The following NDUFB8 variants were observed in gnomAD, a reference collection of about 807,000 sequenced individuals.
NDUFB8 encodes NADH:ubiquinone oxidoreductase subunit B8.
A neutral mutation model predicts 26.0 loss-of-function variants in NDUFB8; 17 were observed. That is an observed-to-expected ratio of 0.65 (90% CI 0.45 to 0.98). The LOEUF is 0.98. Among genes scored for constraint, NDUFB8 ranks in the 50% least tolerant of loss-of-function variants. The probability of loss-of-function intolerance (pLI) is 0.00; values close to 1 mark genes in which losing one functional copy is unlikely to be tolerated. For missense variants in NDUFB8, 238 were observed against 255.0 expected, an observed-to-expected ratio of 0.93 and a Z score of 0.45; for synonymous variants, 89 against 93.1, an observed-to-expected ratio of 0.96 and a Z score of 0.25.
chr10:100,527,457 G>A (rs1187536347), intron 2 of NDUFB8, among the ~76,000 whole-genome samples: 1 of 152,140 alleles, frequency 6.6e-6, no homozygotes, highest in African/African-American at 2.4e-5. Flanking sequence ...ACAAAAATTA[G>A]CTGGGTGTGG....
chr10:100,525,615 CGTGTGTGTGTGTGTGTGTGTGTGT>C (rs56705301), intron 4 of NDUFB8, among the ~76,000 whole-genome samples: 7 of 100,164 alleles, frequency 7.0e-5, no homozygotes, highest in Non-Finnish European at 1.0e-4. Context: ...CCACCCAAAG[CGTGTGTGTGTGTGTGTGTGTGTGT>C]GTGTGTGTGT....
upstream of NDUFB8, chr10:100,529,918 A>C (rs1589748072): frequency 6.5e-7 from 1 of 1,537,238 alleles, no homozygotes. Context: ...GAGCCGGGCC[A>C]AACGTGACGG....
At chr10:100,529,346 C>T in intron 2 of NDUFB8, 34 bp downstream of exon 2, 1 of 1,556,786 alleles carries the variant, frequency 6.4e-7, no homozygotes, top group Non-Finnish European at 8.7e-7. Context: ...TCTCCCATCA[C>T]TACTTGGGTG....
chr10:100,526,815 T>A (rs796889092), intron 3 of NDUFB8, 160 bp downstream of exon 3: 1 of 755,348 alleles, frequency 1.3e-6, no homozygotes, highest in East Asian at 2.7e-5. Flanking sequence ...AGACGTCCCA[T>A]TCAGTGTGCC....
At chr10:100,529,355 T>A in intron 2 of NDUFB8, 25 bp downstream of exon 2, 2 of 1,563,912 alleles carry the variant, frequency 1.3e-6, no homozygotes, top group Non-Finnish European at 1.7e-6. Context: ...ACTACTTGGG[T>A]GCGAGCATAC....
intron 2 of NDUFB8, 71 bp downstream of exon 2, chr10:100,529,309 A>C (rs1173742924): frequency 2.8e-6 from 4 of 1,423,432 alleles, no homozygotes; most frequent in Non-Finnish European, 3.7e-6. Flanking sequence ...AAAGGGTCAC[A>C]GTCAAGCCAC....
upstream of NDUFB8, chr10:100,529,917 C>A: frequency 1.3e-6 from 2 of 1,537,330 alleles, no homozygotes; most frequent in South Asian, 1.2e-5. Flanking sequence ...TGAGCCGGGC[C>A]AAACGTGACG....
Position 100,524,187 on chromosome 10 carries a change from A to T in NDUFB8, c.469-258T>A. On this transcript the variant is annotated intron_variant, in intron 4 of 4. Transcript: ENST00000299166. The surrounding 1 kb of genome is among the most constrained non-coding windows in gnomAD (Gnocchi z 4.0). The stretch of plus-strand genomic sequence containing the variant: ...GGGAGGGAAGGGGGTTAGGGAAAGG[A>T]GGGGAAGGGAGGAAGACAGGGAGGG... The T allele has an allele frequency of 7.1e-7, 1 of 1,416,558 alleles. No individual in the cohort carries two copies. Among genetic ancestry groups the T allele is most frequent in the Non-Finnish European group, 9.8e-7 (1 of 1,022,802 alleles). 87.7% of individuals were successfully genotyped at this position (1,416,558 alleles called of 1,614,324 possible).
At chr10:100,527,102 G>T in intron 2 of NDUFB8, 28 bp from the exon 3 acceptor site, 1 of 1,589,652 alleles carries the variant, frequency 6.3e-7, no homozygotes, top group Non-Finnish European at 8.6e-7. Context: ...CTTCTGGAAA[G>T]GGCTGTGAGC....
At chr10:100,526,908 T>C in intron 3 of NDUFB8, 67 bp downstream of exon 3, 1 of 1,471,888 alleles carries the variant, frequency 6.8e-7, no homozygotes, top group South Asian at 1.2e-5. Flanking sequence ...AGAAGTGCCA[T>C]CTGAGCTAAA....
At chr10:100,529,016 T>C (rs1389430072) in intron 2 of NDUFB8, 1 of 172,338 alleles carries the variant, frequency 5.8e-6, no homozygotes, top group Non-Finnish European at 1.2e-5. Context: ...GGAGTCCAGC[T>C]CCAGCCTGGT....
chr10:100,526,333 G>A (rs1852049406), intron 4 of NDUFB8, 66 bp downstream of exon 4: 8 of 1,503,820 alleles, frequency 5.3e-6, no homozygotes, highest in Non-Finnish European at 7.1e-6. Flanking sequence ...CTACCCCAGA[G>A]ACTTCACTCC....
chr10:100,526,496 A>C lies in NDUFB8; in HGVS notation c.371T>G (p.Val124Gly), dbSNP rs924719214. Reference protein sequence around the residue: ...RNRVDTSPTPVSWHVMCMQLF... With the variant: ...RNRVDTSPTPGSWHVMCMQLF... ...CTGCATACACATGACATGCCAAGAA[A>C]CAGGTGTGGGGGATGTATCCACACG... The change falls in exon 4 of 5, where the codon GTT becomes GGT. Residue 124 changes from valine to glycine, a missense_variant. Physicochemically the swap from Val to Gly is moderately radical, Grantham distance 109. Transcript: ENST00000299166. 1 of 1,611,744 alleles carries C rather than the reference A, an allele frequency of 6.2e-7. No homozygotes were observed. Among genetic ancestry groups the C allele is most frequent in the Non-Finnish European group, 8.5e-7 (1 of 1,179,410 alleles).
chr10:100,527,830 CT>C (rs905944418), intron 2 of NDUFB8, among the ~76,000 whole-genome samples: 28 of 152,138 alleles, frequency 1.8e-4, no homozygotes, highest in African/African-American at 6.7e-4. Flanking sequence ...ATCTTTTTCT[CT>C]TTTTTGAGAC....
chr10:100,527,459 T>C (rs971698675), intron 2 of NDUFB8, among the ~76,000 whole-genome samples: 5 of 152,116 alleles, frequency 3.3e-5, no homozygotes, highest in African/African-American at 1.2e-4. Flanking sequence ...AAAAATTAGC[T>C]GGGTGTGGTG....
rs750019983 is a variant in NDUFB8, at chr10:100,529,367, C to G, written c.212+13G>C. On this transcript the variant is annotated intron_variant, in intron 2 of 4. Coordinates refer to ENST00000299166, the MANE Select transcript of NDUFB8 (RefSeq NM_005004.4). Reference sequence around the variant, plus strand: ...ATCACTACTTGGGTGCGAGCATACCCTCTCTGTCTCACCCCATGCCATCAT... The same window carrying G: ...ATCACTACTTGGGTGCGAGCATACCGTCTCTGTCTCACCCCATGCCATCAT... The G allele has an allele frequency of 3.3e-5, 52 of 1,594,068 alleles. No homozygotes were observed. The highest frequency in any genetic ancestry group is 4.3e-5 in the Non-Finnish European group (50 of 1,172,220).
rs1589747987 is a variant in NDUFB8 at position 100,529,795 on chromosome 10, C to T, written c.57G>A (p.Arg19=). Residue 19 remains arginine, a synonymous_variant, in exon 1 of 5, where the codon CGG becomes CGA. Coordinates refer to ENST00000299166, the MANE Select transcript of NDUFB8 (RefSeq NM_005004.4). ...TCCGTGCGCCCAGCGGCATCACGTT[C>T]CGGGATGCCCTTTGCAGCCACTGGA... ...LGVQWLQRAS[R]NVMPLGARTA... 6.2e-7 allele frequency: 1 copy of T among 1,613,764 alleles called. No homozygotes were observed. Among genetic ancestry groups the T allele is most frequent in the Non-Finnish European group, 8.5e-7 (1 of 1,179,924 alleles).
Position 100,524,170 on chromosome 10 carries a change from A to C in NDUFB8, c.469-241T>G. 16 of 1,204,256 alleles carry C rather than the reference A, an allele frequency of 1.3e-5. No individual in the cohort carries two copies. The highest frequency in any genetic ancestry group is 2.9e-5 in the East Asian group (1 of 34,070). 74.6% of individuals were successfully genotyped at this position (1,204,256 alleles called of 1,614,324 possible). A position where few individuals can be genotyped will look rare whatever the true frequency, so the allele number is the denominator to read the frequency against. Reference sequence around the variant, plus strand: ...AGAGAGAAGGAGAAAGGGGGAGGGAAGGGGGTTAGGGAAAGGAGGGGAAGG... The same window carrying C: ...AGAGAGAAGGAGAAAGGGGGAGGGACGGGGGTTAGGGAAAGGAGGGGAAGG... On this transcript the variant is annotated intron_variant, in intron 4 of 4. Coordinates refer to ENST00000299166, the MANE Select transcript of NDUFB8 (RefSeq NM_005004.4). This position sits in a 1 kb window ranked among gnomAD's most constrained non-coding sequence, Gnocchi z 4.0.
At chr10:100,529,162 T>C (rs1852101418) in intron 2 of NDUFB8, 2 of 387,482 alleles carry the variant, frequency 5.2e-6, no homozygotes, top group South Asian at 4.2e-5. Context: ...GCTTCCTCAT[T>C]TGAGGAAACA....
Sources: allele counts gnomAD v4.1 joint callset (sites outside exome capture counted in the v4.1 genomes callset), GRCh38; gene constraint gnomAD v4.1.1; non-coding constraint Gnocchi (gnomAD v3.1); transcripts MANE v1.5; gene names NCBI Gene and HGNC (gene_info 2026-07-23, HGNC 2026-07-21).